The following AHI1 variants were observed in gnomAD, a reference collection of about 807,000 sequenced individuals.
The protein encoded by AHI1 is Abelson helper integration site 1, also known as jouberin.
Under a neutral mutation model 149.3 loss-of-function variants are expected in AHI1, and 123 were observed. The ratio of observed to expected loss-of-function variants is 0.82; its 90% CI spans 0.71 to 0.96. The LOEUF (loss-of-function observed/expected upper bound fraction) is 0.96. Ranked by LOEUF, AHI1 falls within the 40% of genes least tolerant of loss-of-function variation. The pLI is 0.00. For synonymous variants in AHI1, 475 were observed against 459.8 expected (o/e 1.03, Z -0.42); for missense variants, 1,439 against 1,422.7 (o/e 1.01, Z -0.18).
intron 21 of AHI1, among the ~76,000 whole-genome samples, chr6:135,406,322 C>T (rs897263572): frequency 3.9e-5 from 6 of 152,232 alleles, no homozygotes; most frequent in South Asian, 2.1e-4. Flanking sequence ...GTATCTAAAG[C>T]GTATCAGTAA....
chr6:135,297,452 T>C (rs1271100660), intron 27 of AHI1: 17 of 456,198 alleles, frequency 3.7e-5, no homozygotes, highest in Non-Finnish European at 7.0e-5. Flanking sequence ...AGGCCTTCTC[T>C]AGCTATGCAT....
chr6:135,370,600 G>T (rs1337674342), intron 23 of AHI1, among the ~76,000 whole-genome samples: 1 of 152,122 alleles, frequency 6.6e-6, no homozygotes, highest in Admixed American at 6.5e-5. Context: ...TTAAGTGACT[G>T]TTTGTCTTTA....
At chr6:135,450,910 T>C in intron 11 of AHI1, among the ~76,000 whole-genome samples, 1 of 152,184 alleles carries the variant, frequency 6.6e-6, no homozygotes, top group Non-Finnish European at 1.5e-5. Flanking sequence ...CTCATTTGAA[T>C]TACTGTAATA....
chr6:135,420,731 A>G (rs1315357698), intron 20 of AHI1, among the ~76,000 whole-genome samples: 2 of 152,152 alleles, frequency 1.3e-5, no homozygotes, highest in Non-Finnish European at 2.9e-5. Flanking sequence ...GGCTGGTTTC[A>G]TCTTTTATCC....
intron 21 of AHI1, among the ~76,000 whole-genome samples, chr6:135,410,315 AG>A (rs1478922524): frequency 6.6e-6 from 1 of 152,222 alleles, no homozygotes; most frequent in African/African-American, 2.4e-5. Context: ...GACTGCAGTG[AG>A]CAATGATCAC....
At chr6:135,403,573 G>A (rs939096163) in intron 22 of AHI1, among the ~76,000 whole-genome samples, 1 of 152,142 alleles carries the variant, frequency 6.6e-6, no homozygotes, top group African/African-American at 2.4e-5. Context: ...CATTCAGACA[G>A]CATTCCAAAA....
At chr6:135,429,815 A>G in intron 18 of AHI1, 67 bp downstream of exon 18, 1 of 989,918 alleles carries the variant, frequency 1.0e-6, no homozygotes, top group Admixed American at 2.5e-5. Context: ...ACCGAATTTT[A>G]TAAATATAAT....
At chr6:135,404,303 T>C (rs554981582) in intron 22 of AHI1, among the ~76,000 whole-genome samples, 6 of 152,298 alleles carry the variant, frequency 3.9e-5, no homozygotes, top group African/African-American at 1.4e-4. Flanking sequence ...AGCTGCTGTG[T>C]TGAAAGCATA....
chr6:135,399,996 G>A (rs966353007), intron 22 of AHI1, among the ~76,000 whole-genome samples: 6 of 151,882 alleles, frequency 4.0e-5, no homozygotes, highest in East Asian at 1.9e-4. Context: ...TACATCACAC[G>A]GGTATTAAGT....
intron 5 of AHI1, among the ~76,000 whole-genome samples, chr6:135,478,226 G>C (rs777941674): frequency 5.3e-5 from 8 of 152,220 alleles, no homozygotes; most frequent in Non-Finnish European, 1.2e-4. Flanking sequence ...ACAGGCAAAA[G>C]TTGGAACAGT....
chr6:135,378,321 T>C (rs1418969362), intron 23 of AHI1, among the ~76,000 whole-genome samples: 1 of 152,250 alleles, frequency 6.6e-6, no homozygotes, highest in Non-Finnish European at 1.5e-5. Context: ...GCAGATTTAA[T>C]AGACTTCTAA....
At chr6:135,455,618 T>A in intron 10 of AHI1, 116 bp downstream of exon 10, 1 of 773,216 alleles carries the variant, frequency 1.3e-6, no homozygotes, top group Non-Finnish European at 1.9e-6. Flanking sequence ...TCCTAGAGAT[T>A]AAATTCTCAC....
chr6:135,466,454 G>A, intron 6 of AHI1, 81 bp from the exon 7 acceptor site: 1 of 1,244,472 alleles, frequency 8.0e-7, no homozygotes, highest in Non-Finnish European at 1.1e-6. Context: ...ATTAATATTT[G>A]ACAATGTGGA....
chr6:135,375,578 A>G (rs1040135791), intron 23 of AHI1, among the ~76,000 whole-genome samples: 1 of 152,250 alleles, frequency 6.6e-6, no homozygotes, highest in Non-Finnish European at 1.5e-5. Flanking sequence ...TTTGTACTGC[A>G]AAGTCAAAAG....
rs953880989 is a variant in AHI1 at position 135,308,412 on chromosome 6, G to A, written c.3427-7854C>T. Among the ~76,000 whole-genome samples the A allele has an allele frequency of 3.3e-5, 5 of 151,952 alleles. No homozygotes were observed. The South Asian group carries it at 6.2e-4, about 19-fold the overall frequency. ...TACCATGCCTGGATAATTTTTGTACGTTTTATAGAGATGGGGTTTCACCAT... is the reference window on the plus strand; with the variant it reads ...TACCATGCCTGGATAATTTTTGTACATTTTATAGAGATGGGGTTTCACCAT... On this transcript the variant is annotated intron_variant, in intron 26 of 28. Coordinates refer to ENST00000265602, the MANE Select transcript of AHI1 (RefSeq NM_001134831.2).
intron 26 of AHI1, among the ~76,000 whole-genome samples, chr6:135,313,194 T>C (rs1020264485): frequency 2.0e-5 from 3 of 152,212 alleles, no homozygotes; most frequent in Non-Finnish European, 4.4e-5. Context: ...TCCATAAACA[T>C]AGATCATTTG....
Position 135,323,427 on chromosome 6 carries a change from G to A in AHI1, c.3166-103C>T, listed in dbSNP as rs1354303419. 6.4e-6 allele frequency: 8 copies of A among 1,255,862 alleles called. No homozygotes were observed. The Admixed American group carries it at 1.5e-4, about 24-fold the overall frequency. The allele number at this position is 1,255,862 out of a possible 1,614,324, so 77.8% of individuals were successfully genotyped here. On this transcript the variant is annotated intron_variant, in intron 24 of 28. Coordinates refer to ENST00000265602, the MANE Select transcript of AHI1 (RefSeq NM_001134831.2). ...CAGAAGAGCAGCTGAAACCAAAGCA[G>A]TACTTTGGTAAGTGTGAGGCTGTCT...
chr6:135,478,818 A>G (rs1020453200), intron 5 of AHI1, among the ~76,000 whole-genome samples: 1 of 152,204 alleles, frequency 6.6e-6, no homozygotes, highest in Non-Finnish European at 1.5e-5. Context: ...GCCTAGGAGG[A>G]AAAAATGGTT....
chr6:135,357,666 A>T (rs1390156830), intron 24 of AHI1, among the ~76,000 whole-genome samples: 1 of 152,236 alleles, frequency 6.6e-6, no homozygotes, highest in African/African-American at 2.4e-5. Flanking sequence ...CACAAATATC[A>T]TATTCAGAGA....
Sources: gnomAD v4.1 joint callset for allele counts (sites outside exome capture counted in the v4.1 genomes callset) on GRCh38, gnomAD v4.1.1 for gene constraint, MANE v1.5 for transcripts, NCBI Gene and HGNC (gene_info 2026-07-23, HGNC 2026-07-21) for gene names.